Variants in SH3BGRL2 observed in about 807,000 individuals in gnomAD.
The protein encoded by SH3BGRL2 is SH3 domain binding glutamate rich protein like 2.
A neutral mutation model predicts 14.8 loss-of-function variants in SH3BGRL2; 21 were observed. That is an observed-to-expected ratio of 1.42 (90% CI 1.01 to 2.05). The LOEUF (loss-of-function observed/expected upper bound fraction) is 2.05, where lower values mean the gene tolerates loss of function less well. SH3BGRL2 is among the 30% of genes most tolerant of loss of function. The pLI is 0.00. For synonymous variants in SH3BGRL2, 50 were observed against 47.8 expected, an observed-to-expected ratio of 1.05 and a Z score of -0.19; for missense variants, 147 against 130.8, an observed-to-expected ratio of 1.12 and a Z score of -0.61.
chr6:79,595,065 C>A, the SH3BGRL2 span, among the ~76,000 whole-genome samples: 1 of 152,146 alleles, frequency 6.6e-6, no homozygotes, highest in African/African-American at 2.4e-5. Flanking sequence ...GCGGGTAGAT[C>A]ACCTGAGATC....
the SH3BGRL2 span, among the ~76,000 whole-genome samples, chr6:79,580,105 A>G: frequency 3.9e-5 from 6 of 152,248 alleles, no homozygotes. Flanking sequence ...TAACTATCCT[A>G]AATATATATG....
the SH3BGRL2 span, among the ~76,000 whole-genome samples, chr6:79,559,724 G>A: frequency 6.6e-6 from 1 of 152,202 alleles, no homozygotes; most frequent in Non-Finnish European, 1.5e-5. Context: ...AGTTACGTAA[G>A]AGAACACCCT....
chr6:79,699,411 A>G, intron 3 of SH3BGRL2, 87 bp from the exon 4 acceptor site: 1 of 1,419,050 alleles, frequency 7.0e-7, no homozygotes, highest in South Asian at 1.6e-5. Flanking sequence ...CCTGACATTT[A>G]AAAAACCCCT....
At chr6:79,638,703 T>C (rs1768973352) in intron 1 of SH3BGRL2, among the ~76,000 whole-genome samples, 1 of 152,180 alleles carries the variant, frequency 6.6e-6, no homozygotes, top group African/African-American at 2.4e-5. Context: ...TTACTGATGT[T>C]AAGAATTTTT....
rs1582730087 is a variant in SH3BGRL2, at chr6:79,671,043, C to T, written c.46-2571C>T. ...AGCACATTGCTTTTCTAAGTAAAAC[C>T]AGCCTTCTGTATTTAGAAAGAGAGG... On this transcript the variant is annotated intron_variant, in intron 1 of 3. Transcript: ENST00000369838. Among the ~76,000 whole-genome samples, 3 of 152,090 alleles carry T rather than the reference C, an allele frequency of 2.0e-5. No homozygotes were observed. In the South Asian group the frequency reaches 6.2e-4, roughly 31 times the overall value.
At chr6:79,684,783 C>A (rs1770059682) in intron 2 of SH3BGRL2, among the ~76,000 whole-genome samples, 1 of 152,116 alleles carries the variant, frequency 6.6e-6, no homozygotes, top group South Asian at 2.1e-4. Context: ...CCACAGGTAG[C>A]ATTTTCTTAG....
the SH3BGRL2 span, among the ~76,000 whole-genome samples, chr6:79,616,781 A>G: frequency 5.3e-5 from 8 of 152,194 alleles, no homozygotes; most frequent in African/African-American, 1.9e-4. Flanking sequence ...TCAACCTGTC[A>G]CATGCTGCCC....
the SH3BGRL2 span, among the ~76,000 whole-genome samples, chr6:79,562,654 T>A: frequency 6.6e-6 from 1 of 152,320 alleles, no homozygotes; most frequent in East Asian, 1.9e-4. Context: ...AGCACAAGAA[T>A]TCAGGAAGAA....
Position 79,700,891 on chromosome 6 carries a change from T to C in SH3BGRL2, c.*1382T>C. 6.6e-6 allele frequency: 1 copy of C among 152,206 alleles called. No individual in the cohort carries two copies. Among genetic ancestry groups the C allele is most frequent in the East Asian group, 1.9e-4 (1 of 5,202 alleles). 9.4% of individuals were successfully genotyped at this position (152,206 alleles called of 1,614,324 possible). ...TTTCAGAGGGCTGCCTAAAATATTT[T>C]ATTTCTAGCATCCTGATTCTGGACT... On this transcript the variant is annotated 3_prime_UTR_variant, in exon 4 of 4. Coordinates refer to ENST00000369838, the MANE Select transcript of SH3BGRL2 (RefSeq NM_031469.4).
intron 1 of SH3BGRL2, among the ~76,000 whole-genome samples, chr6:79,653,586 T>C (rs1769346769): frequency 6.6e-6 from 1 of 152,250 alleles, no homozygotes. Context: ...ACATTTTGGT[T>C]CATTTACATT....
chr6:79,670,306 A>G (rs181845569), intron 1 of SH3BGRL2, among the ~76,000 whole-genome samples: 2 of 152,356 alleles, frequency 1.3e-5, no homozygotes, highest in South Asian at 2.1e-4. Flanking sequence ...ATCTAATGCA[A>G]GGGATTCTGT....
upstream of SH3BGRL2, among the ~76,000 whole-genome samples, chr6:79,630,023 T>C (rs990775760): frequency 6.6e-6 from 1 of 152,176 alleles, no homozygotes; most frequent in Non-Finnish European, 1.5e-5. Flanking sequence ...CATTTCCACA[T>C]TTATGGTAGC....
chr6:79,669,891 G>A (rs1035647310), intron 1 of SH3BGRL2, among the ~76,000 whole-genome samples: 2 of 152,168 alleles, frequency 1.3e-5, no homozygotes, highest in African/African-American at 2.4e-5. Context: ...AAAATCAGGT[G>A]GTCAAAGGAG....
At chr6:79,554,795 A>C in the SH3BGRL2 span, among the ~76,000 whole-genome samples, 4 of 152,158 alleles carry the variant, frequency 2.6e-5, no homozygotes, top group African/African-American at 9.7e-5. Flanking sequence ...AAAATGGAAA[A>C]TATAATGATT....
At chr6:79,558,977 C>T in the SH3BGRL2 span, among the ~76,000 whole-genome samples, 1 of 152,130 alleles carries the variant, frequency 6.6e-6, no homozygotes, top group Non-Finnish European at 1.5e-5. Flanking sequence ...ACACAGAAGC[C>T]AGGCTGAGGG....
At chr6:79,628,130 C>T (rs977120171), upstream of SH3BGRL2, among the ~76,000 whole-genome samples, 12 of 152,206 alleles carry the variant, frequency 7.9e-5, no homozygotes, top group East Asian at 3.9e-4. Flanking sequence ...AAAATCATGA[C>T]GGCCGTTTGA....
intron 2 of SH3BGRL2, among the ~76,000 whole-genome samples, chr6:79,694,663 A>G (rs1360810889): frequency 2.0e-5 from 3 of 152,132 alleles, no homozygotes; most frequent in African/African-American, 7.2e-5. Flanking sequence ...ATTGAACTCC[A>G]ACCTTCCCTT....
At chr6:79,640,163 G>C (rs909455643) in intron 1 of SH3BGRL2, among the ~76,000 whole-genome samples, 1 of 152,142 alleles carries the variant, frequency 6.6e-6, no homozygotes, top group African/African-American at 2.4e-5. Flanking sequence ...GGAGCTGGAG[G>C]TTGGAAGCCT....
chr6:79,592,033 TAAC>T, the SH3BGRL2 span, among the ~76,000 whole-genome samples: 17 of 152,302 alleles, frequency 1.1e-4, no homozygotes, highest in African/African-American at 3.6e-4. Flanking sequence ...GAGATAAAGA[TAAC>T]AACACTGATT....
Sources: allele counts gnomAD v4.1 joint callset (sites outside exome capture counted in the v4.1 genomes callset), GRCh38; gene constraint gnomAD v4.1.1; transcripts MANE v1.5; gene names NCBI Gene and HGNC (gene_info 2026-07-23, HGNC 2026-07-21).